The following GALNTL6 variants were observed in gnomAD, a reference collection of about 807,000 sequenced individuals.
The protein encoded by GALNTL6 is polypeptide N-acetylgalactosaminyltransferase like 6.
GALNTL6 carries 46 observed loss-of-function variants against 73.7 expected under a neutral mutation model. That is an observed-to-expected ratio of 0.62 (90% CI 0.49 to 0.80). GALNTL6 has a LOEUF of 0.80. Ranked by LOEUF, GALNTL6 falls within the 30% of genes least tolerant of loss-of-function variation. GALNTL6 has a pLI of 0.00. For synonymous variants in GALNTL6, 259 were observed against 263.7 expected (o/e 0.98, Z 0.17); for missense variants, 604 against 755.0 (o/e 0.80, Z 2.34).
At chr4:171,821,810 G>C (rs525077) in intron 2 of GALNTL6, among the ~76,000 whole-genome samples, 105,536 of 151,910 alleles carry the variant, frequency 0.69, 38,913 homozygotes, top group Admixed American at 0.83. Context: ...TGTGTTGAAT[G>C]TAGTAGGGAG....
intron 5 of GALNTL6, among the ~76,000 whole-genome samples, chr4:172,496,210 C>G (rs553549076): frequency 1.1e-4 from 16 of 152,202 alleles, no homozygotes; most frequent in African/African-American, 3.1e-4. Context: ...TCTTAAACAA[C>G]TGTTATTCTA....
intron 2 of GALNTL6, among the ~76,000 whole-genome samples, chr4:171,942,241 G>GATATAA (rs1370018816): frequency 6.0e-3 from 180 of 30,206 alleles, no homozygotes; most frequent in Admixed American, 0.028. Flanking sequence ...AAAATAAATA[G>GATATAA]ATAAATAAAT....
intron 2 of GALNTL6, among the ~76,000 whole-genome samples, chr4:172,007,805 T>C (rs1200732741): frequency 6.6e-6 from 1 of 152,160 alleles, no homozygotes; most frequent in Admixed American, 6.6e-5. Flanking sequence ...ATATCTCCCC[T>C]TTTCTGTCCT....
intron 8 of GALNTL6, among the ~76,000 whole-genome samples, chr4:172,923,492 T>C (rs1747895879): frequency 6.6e-6 from 1 of 152,066 alleles, no homozygotes; most frequent in Non-Finnish European, 1.5e-5. Context: ...CAGGAAACCA[T>C]ATCAGAGGGC....
chr4:172,767,914 G>A (rs1049038160), intron 5 of GALNTL6, among the ~76,000 whole-genome samples: 1 of 151,798 alleles, frequency 6.6e-6, no homozygotes, highest in Non-Finnish European at 1.5e-5. Flanking sequence ...ATGATCCGCC[G>A]GTGTCAGCCT....
rs139240253 is a variant in GALNTL6 at position 172,426,954 on chromosome 4, G to A, written c.553+78265G>A. Among the ~76,000 whole-genome samples, 287 of 151,380 alleles carry A rather than the reference G, an allele frequency of 1.9e-3. 1 individual carries two copies. The highest frequency in any genetic ancestry group is 6.4e-3 in the African/African-American group (262 of 41,082). On this transcript the variant is annotated intron_variant, in intron 5 of 12. Coordinates refer to ENST00000506823, the MANE Select transcript of GALNTL6 (RefSeq NM_001034845.3). ...TATATATATCCAAATACATTATCTC[G>A]TATTCTGTGGGTCAATGTGGTTATC...
At chr4:172,393,950 T>C (rs568871323) in intron 5 of GALNTL6, among the ~76,000 whole-genome samples, 1 of 152,324 alleles carries the variant, frequency 6.6e-6, no homozygotes, top group East Asian at 1.9e-4. Context: ...GAATATATAT[T>C]ATTCCCACTG....
At chr4:172,941,581 A>C (rs1268628514) in intron 9 of GALNTL6, among the ~76,000 whole-genome samples, 1 of 152,182 alleles carries the variant, frequency 6.6e-6, no homozygotes, top group Non-Finnish European at 1.5e-5. Context: ...ACTAGAGAGA[A>C]TTTTAATTGC....
chr4:172,567,286 G>A (rs777505518), intron 5 of GALNTL6, among the ~76,000 whole-genome samples: 84 of 151,972 alleles, frequency 5.5e-4, no homozygotes, highest in Non-Finnish European at 8.5e-4. Flanking sequence ...TCCAATTGTG[G>A]ACTGGATTCA....
intron 5 of GALNTL6, among the ~76,000 whole-genome samples, chr4:172,658,039 A>C (rs1159513694): frequency 7.5e-6 from 1 of 132,562 alleles, no homozygotes; most frequent in Non-Finnish European, 1.6e-5. Flanking sequence ...AGTCCCAGCT[A>C]CTCGGGAGGC....
intron 5 of GALNTL6, among the ~76,000 whole-genome samples, chr4:172,449,404 C>G (rs896524221): frequency 6.6e-6 from 1 of 152,172 alleles, no homozygotes; most frequent in Non-Finnish European, 1.5e-5. Context: ...TTTCTACCTT[C>G]CATTAACCCT....
intron 2 of GALNTL6, among the ~76,000 whole-genome samples, chr4:171,990,967 T>C (rs1740314751): frequency 6.6e-6 from 1 of 152,138 alleles, no homozygotes; most frequent in African/African-American, 2.4e-5. Context: ...ATATGCAGAT[T>C]GGAAAAAAGC....
At chr4:172,792,748 A>G (rs965702786) in intron 5 of GALNTL6, among the ~76,000 whole-genome samples, 80 of 146,582 alleles carry the variant, frequency 5.5e-4, no homozygotes, top group African/African-American at 1.9e-3. Flanking sequence ...GTGTTTGGTC[A>G]GTTGTTTAGT....
At chr4:171,987,637 G>A (rs1371394390) in intron 2 of GALNTL6, among the ~76,000 whole-genome samples, 4 of 152,130 alleles carry the variant, frequency 2.6e-5, no homozygotes, top group Admixed American at 6.5e-5. Context: ...AATAGCAGAT[G>A]GAACACTGAG....
chr4:172,701,648 G>A (rs1330565505), intron 5 of GALNTL6, among the ~76,000 whole-genome samples: 1 of 152,088 alleles, frequency 6.6e-6, no homozygotes, highest in Non-Finnish European at 1.5e-5. Context: ...AGGACCTCAA[G>A]AAATGGAGGT....
intron 5 of GALNTL6, among the ~76,000 whole-genome samples, chr4:172,788,011 T>A (rs1739756459): frequency 6.6e-6 from 1 of 152,122 alleles, no homozygotes. Context: ...TTTTTATTAG[T>A]TTATCTGGTG....
chr4:172,677,533 G>A (rs528167525), intron 5 of GALNTL6, among the ~76,000 whole-genome samples: 4 of 152,164 alleles, frequency 2.6e-5, no homozygotes, highest in Non-Finnish European at 5.9e-5. Context: ...CTAGTCTTAA[G>A]GAGTTTGTGG....
chr4:172,604,939 C>G (rs1738200255), intron 5 of GALNTL6, among the ~76,000 whole-genome samples: 1 of 152,210 alleles, frequency 6.6e-6, no homozygotes, highest in Non-Finnish European at 1.5e-5. Context: ...GACCACAGAG[C>G]AGTTGCTCTT....
At chr4:172,167,920 C>T (rs1048840104) in intron 2 of GALNTL6, among the ~76,000 whole-genome samples, 7 of 147,038 alleles carry the variant, frequency 4.8e-5, no homozygotes, top group South Asian at 4.2e-4. Context: ...GATTGCGCCA[C>T]TGCAGTCCGC....
Sources: allele counts gnomAD v4.1 joint callset (sites outside exome capture counted in the v4.1 genomes callset), GRCh38; gene constraint gnomAD v4.1.1; transcripts MANE v1.5; gene names NCBI Gene and HGNC (gene_info 2026-07-23, HGNC 2026-07-21).